The following DOCK1 variants were observed in gnomAD, a reference collection of about 807,000 sequenced individuals.
The protein encoded by DOCK1 is dedicator of cytokinesis protein 1.
In DOCK1, 138 loss-of-function variants were observed where a neutral mutation model predicts 262.7. The observed-to-expected ratio is 0.53, with a 90% CI of 0.46 to 0.61. The LOEUF (loss-of-function observed/expected upper bound fraction) is 0.61, where lower values mean the gene tolerates loss of function less well. DOCK1 is among the 20% of genes least tolerant of loss of function. The pLI is 0.00. For missense variants in DOCK1, 1,908 were observed against 2,370.7 expected (o/e 0.80, Z 4.05); for synonymous variants, 866 against 867.4 (o/e 1.00, Z 0.03).
chr10:126,926,142 C>T (rs552403496), intron 1 of DOCK1, among the ~76,000 whole-genome samples: 124 of 152,210 alleles, frequency 8.1e-4, no homozygotes, highest in African/African-American at 2.9e-3. Context: ...GTGCCCGACA[C>T]CTGGTAGCCA....
Position 127,125,495 on chromosome 10 carries a change from C to T in DOCK1, c.2645C>T (p.Pro882Leu), listed in dbSNP as rs771978308. ...TQHDCREILLPMMTDQLKYHL... is the reference protein window; with the variant it reads ...TQHDCREILLLMMTDQLKYHL... ...GTAGACTGCAGAGAGATCCTGCTTC[C>T]CATGATGACCGATCAGCTCAAGTAC... Residue 882 changes from proline (P) to leucine (L), a missense_variant, in exon 26 of 52, where the codon CCC (proline) becomes CTC (leucine). By Grantham distance (98) the Pro-to-Leu change is moderately conservative (BLOSUM62 -3). Transcript: ENST00000623213. 1 of 1,613,396 alleles carries T rather than the reference C, an allele frequency of 6.2e-7. No individual in the cohort carries two copies. Among genetic ancestry groups the T allele is most frequent in the Non-Finnish European group, 8.5e-7 (1 of 1,179,808 alleles).
At chr10:127,137,848 A>G (rs1156541439) in intron 27 of DOCK1, 3 of 1,613,592 alleles carry the variant, frequency 1.9e-6, no homozygotes, top group Non-Finnish European at 2.5e-6. Context: ...TAAAGGAACC[A>G]GAGTTTCCAT....
chr10:127,032,586 C>T (rs1329166884), intron 18 of DOCK1, among the ~76,000 whole-genome samples: 1 of 152,180 alleles, frequency 6.6e-6, no homozygotes, highest in Non-Finnish European at 1.5e-5. Context: ...CTCAGTCTCG[C>T]TCTGTTGCCC....
intron 2 of DOCK1, among the ~76,000 whole-genome samples, chr10:126,976,870 A>G (rs2038583437): frequency 6.6e-6 from 1 of 152,004 alleles, no homozygotes; most frequent in African/African-American, 2.4e-5. Flanking sequence ...AGTAGCTGTG[A>G]TCATAGGGGC....
rs111310462 is a variant in DOCK1, at chr10:127,417,879, A to G, written c.4516-486A>G. On this transcript the variant is annotated intron_variant, in intron 44 of 51. Transcript: ENST00000623213. ...GCAGGAGCCACCACGCCTGCCCATC[A>G]CTCTTCCTTCACATGATGGTGTGTG... Among the ~76,000 whole-genome samples, 1,482 of 151,722 alleles carry G rather than the reference A, an allele frequency of 9.8e-3. 26 individuals are homozygous for G. Among genetic ancestry groups the G allele is most frequent in the African/African-American group, 0.034 (1,403 of 41,348 alleles).
At chr10:127,017,451 A>T (rs1196678193) in intron 12 of DOCK1, among the ~76,000 whole-genome samples, 1 of 152,002 alleles carries the variant, frequency 6.6e-6, no homozygotes, top group Admixed American at 6.6e-5. Context: ...ACACAGACAG[A>T]CACAGATTTA....
chr10:127,217,655 C>T (rs746886618), intron 27 of DOCK1, among the ~76,000 whole-genome samples: 1 of 152,184 alleles, frequency 6.6e-6, no homozygotes, highest in Non-Finnish European at 1.5e-5. Context: ...TTCAAATATG[C>T]TTCTGCATCT....
chr10:127,046,952 AC>A (rs1009330288), intron 21 of DOCK1, among the ~76,000 whole-genome samples: 1 of 152,076 alleles, frequency 6.6e-6, no homozygotes, highest in African/African-American at 2.4e-5. Context: ...GCTTTTATGA[AC>A]ATAAAAATCT....
chr10:127,038,572 G>C (rs2043812683), intron 19 of DOCK1, among the ~76,000 whole-genome samples: 1 of 152,172 alleles, frequency 6.6e-6, no homozygotes, highest in Non-Finnish European at 1.5e-5. Context: ...CCCTTTAAGT[G>C]ACCAGGAGAG....
At chr10:127,124,668 A>G (rs533903775) in intron 25 of DOCK1, among the ~76,000 whole-genome samples, 120 of 152,210 alleles carry the variant, frequency 7.9e-4, no homozygotes, top group Middle Eastern at 3.4e-3. Context: ...GGGCCTCTGC[A>G]CCTGCTTTTC....
chr10:127,149,076 TTCA>T (rs2052208828), intron 27 of DOCK1, among the ~76,000 whole-genome samples: 1 of 152,194 alleles, frequency 6.6e-6, no homozygotes, highest in East Asian at 1.9e-4. Flanking sequence ...AGAGGTGTTT[TTCA>T]GCTGAGGAAT....
At chr10:126,914,030 C>T (rs1591295609) in intron 1 of DOCK1, among the ~76,000 whole-genome samples, 1 of 152,320 alleles carries the variant, frequency 6.6e-6, no homozygotes, top group East Asian at 1.9e-4. Context: ...TTTCTTTCAT[C>T]CTTTATTGAT....
chr10:126,987,002 T>C (rs895906868), intron 4 of DOCK1, among the ~76,000 whole-genome samples: 2 of 152,140 alleles, frequency 1.3e-5, no homozygotes, highest in Non-Finnish European at 2.9e-5. Context: ...TGGCATCAGA[T>C]AGAGTAACCA....
At chr10:127,016,940 CCACAGACACACAGA>C (rs2041966825) in intron 12 of DOCK1, among the ~76,000 whole-genome samples, 1 of 132,592 alleles carries the variant, frequency 7.5e-6, no homozygotes, top group Non-Finnish European at 1.6e-5. Context: ...CACACACACA[CCACAGACACACAGA>C]GATATACCAC....
chr10:127,179,740 A>G (rs1220600791), intron 27 of DOCK1, among the ~76,000 whole-genome samples: 1 of 152,164 alleles, frequency 6.6e-6, no homozygotes, highest in African/African-American at 2.4e-5. Context: ...GACAAGTGGA[A>G]CCTTCTCCCA....
chr10:127,275,252 A>AG (rs989897292), intron 29 of DOCK1, among the ~76,000 whole-genome samples: 10 of 151,976 alleles, frequency 6.6e-5, no homozygotes, highest in Non-Finnish European at 1.5e-4. Context: ...AGTAATAGGA[A>AG]GAAAAAAAAA....
At chr10:127,116,569 C>T (rs907765911) in intron 25 of DOCK1, among the ~76,000 whole-genome samples, 37 of 151,958 alleles carry the variant, frequency 2.4e-4, no homozygotes, top group African/African-American at 8.5e-4. Flanking sequence ...CTTATTATGC[C>T]TTAAATTATA....
chr10:127,140,675 G>T (rs1169115775), intron 27 of DOCK1, among the ~76,000 whole-genome samples: 3 of 152,204 alleles, frequency 2.0e-5, no homozygotes, highest in Admixed American at 1.3e-4. Flanking sequence ...GAGTCTCTGG[G>T]TTGAGTCTGA....
chr10:126,999,359 A>C lies in DOCK1; in HGVS notation c.773A>C (p.Asn258Thr). The C allele has an allele frequency of 6.2e-7, 1 of 1,612,944 alleles. No homozygotes were observed. Among genetic ancestry groups the C allele is most frequent in the Non-Finnish European group, 8.5e-7 (1 of 1,179,484 alleles). Reference sequence around the variant, plus strand: ...TTATTTCTCCATTTTTCAAGTGAGAACTACCTGGTTCGCTGGTCCAGTTCA... The same window carrying C: ...TTATTTCTCCATTTTTCAAGTGAGACCTACCTGGTTCGCTGGTCCAGTTCA... ...DPVESKFISENYLVRWSSSGL... is the reference protein window; with the variant it reads ...DPVESKFISETYLVRWSSSGL... Residue 258 changes from asparagine to threonine, a missense_variant, in exon 9 of 52, where the codon AAC becomes ACC. Coordinates refer to ENST00000623213, the MANE Select transcript of DOCK1 (RefSeq NM_001290223.2).
Sources: gnomAD v4.1 joint callset for allele counts (sites outside exome capture counted in the v4.1 genomes callset) on GRCh38, gnomAD v4.1.1 for gene constraint, MANE v1.5 for transcripts, NCBI Gene and HGNC (gene_info 2026-07-23, HGNC 2026-07-21) for gene names.